Variants in CEP112 observed in about 807,000 individuals in gnomAD.
The protein encoded by CEP112 is centrosomal protein of 112 kDa.
A neutral mutation model predicts 153.0 loss-of-function variants in CEP112; 127 were observed. The observed-to-expected ratio is 0.83, with a 90% confidence interval of 0.72 to 0.96. The LOEUF is 0.96. CEP112 is among the 40% of genes least tolerant of loss of function. The pLI is 0.00. For missense variants in CEP112, 1,089 were observed against 1,101.2 expected, an observed-to-expected ratio of 0.99 and a Z score of 0.16; for synonymous variants, 358 against 374.4, an observed-to-expected ratio of 0.96 and a Z score of 0.51.
chr17:65,947,639 T>G (rs2061690934), intron 18 of CEP112, among the ~76,000 whole-genome samples: 1 of 152,162 alleles, frequency 6.6e-6, no homozygotes, highest in Non-Finnish European at 1.5e-5. Context: ...AAGTTTTCTT[T>G]TAAGTGTTTT....
At chr17:66,017,829 G>A (rs11653598) in intron 16 of CEP112, among the ~76,000 whole-genome samples, 62,387 of 151,764 alleles carry the variant, frequency 0.41, 14,283 homozygotes, top group East Asian at 0.87. Context: ...TGAAAGCCCC[G>A]TCTCTACTAA....
At chr17:65,994,862 G>A (rs918666603) in intron 17 of CEP112, among the ~76,000 whole-genome samples, 1 of 152,036 alleles carries the variant, frequency 6.6e-6, no homozygotes, top group African/African-American at 2.4e-5. Flanking sequence ...CCTGCTGTGG[G>A]GCCACTTTCG....
chr17:65,775,337 C>T (rs1320628444), intron 21 of CEP112, among the ~76,000 whole-genome samples: 1 of 152,004 alleles, frequency 6.6e-6, no homozygotes, highest in Non-Finnish European at 1.5e-5. Context: ...AATGTCCTCA[C>T]CAGATCAGTG....
intron 16 of CEP112, among the ~76,000 whole-genome samples, chr17:66,009,665 T>C (rs1349133365): frequency 1.3e-5 from 2 of 152,206 alleles, no homozygotes; most frequent in Non-Finnish European, 2.9e-5. Flanking sequence ...GGGTCCAGTT[T>C]CAATCTTTTG....
At chr17:65,672,073 A>T (rs956612450) in intron 24 of CEP112, among the ~76,000 whole-genome samples, 1 of 152,220 alleles carries the variant, frequency 6.6e-6, no homozygotes, top group Non-Finnish European at 1.5e-5. Flanking sequence ...AGATCATTAG[A>T]AGTAATGTTG....
intron 24 of CEP112, among the ~76,000 whole-genome samples, chr17:65,665,685 G>A (rs992161605): frequency 9.2e-5 from 14 of 152,188 alleles, no homozygotes; most frequent in Admixed American, 5.9e-4. Context: ...CACATAATTT[G>A]AGCTATTGGA....
At chr17:66,108,312 T>C (rs944224282) in intron 6 of CEP112, among the ~76,000 whole-genome samples, 3 of 151,950 alleles carry the variant, frequency 2.0e-5, no homozygotes, top group Admixed American at 1.3e-4. Flanking sequence ...GATCTTGTCA[T>C]GTCAAAAAGC....
chr17:66,033,303 G>A (rs1404307874), intron 12 of CEP112, among the ~76,000 whole-genome samples: 1 of 151,876 alleles, frequency 6.6e-6, no homozygotes, highest in African/African-American at 2.4e-5. Context: ...TACTGTAAAA[G>A]TCACACAGAA....
intron 25 of CEP112, among the ~76,000 whole-genome samples, chr17:65,637,883 TC>T (rs1322894717): frequency 5.3e-5 from 8 of 152,192 alleles, no homozygotes; most frequent in African/African-American, 1.7e-4. Flanking sequence ...ATTACTGCTT[TC>T]TGGAAACCTC....
intron 21 of CEP112, among the ~76,000 whole-genome samples, chr17:65,823,870 C>T (rs1309902858): frequency 6.6e-6 from 1 of 152,076 alleles, no homozygotes; most frequent in African/African-American, 2.4e-5. Context: ...AAAAGGTGCT[C>T]AACATTATTA....
intron 17 of CEP112, among the ~76,000 whole-genome samples, chr17:65,971,654 T>G (rs12943782): frequency 6.6e-6 from 1 of 151,954 alleles, no homozygotes; most frequent in Non-Finnish European, 1.5e-5. Context: ...TGCATGCATG[T>G]CACATGCATG....
intron 12 of CEP112, among the ~76,000 whole-genome samples, chr17:66,038,476 A>G (rs1402369309): frequency 6.6e-6 from 1 of 152,272 alleles, no homozygotes; most frequent in East Asian, 1.9e-4. Context: ...AAAGTATCTT[A>G]AAAACAACAA....
chr17:66,081,417 T>C (rs2067712358), intron 8 of CEP112, among the ~76,000 whole-genome samples: 1 of 152,158 alleles, frequency 6.6e-6, no homozygotes, highest in African/African-American at 2.4e-5. Flanking sequence ...TTGGCAATTA[T>C]CTAATTCTTG....
intron 17 of CEP112, among the ~76,000 whole-genome samples, chr17:65,981,253 T>C (rs1265143014): frequency 6.6e-6 from 1 of 152,206 alleles, no homozygotes; most frequent in African/African-American, 2.4e-5. Context: ...GTTCAGGATA[T>C]AACTTGGGAA....
intron 21 of CEP112, among the ~76,000 whole-genome samples, chr17:65,812,062 G>A (rs1443569278): frequency 6.6e-6 from 1 of 151,758 alleles, no homozygotes; most frequent in East Asian, 1.9e-4. Context: ...GGAGTGCAGT[G>A]GCTTGATCTC....
chr17:66,020,344 A>G (rs1299558651), intron 16 of CEP112, among the ~76,000 whole-genome samples: 1 of 122,424 alleles, frequency 8.2e-6, no homozygotes, highest in Admixed American at 1.1e-4. Flanking sequence ...ATTATGATTT[A>G]AAAGAGCACT....
rs1239921390 is a variant in CEP112 at position 66,052,369 on chromosome 17, G to A, written c.1218+1367C>T. The stretch of plus-strand genomic sequence containing the variant: ...AGACTGATGCGATGCACTGAACACG[G>A]ACATGAGGAGCTCTGAGCCACATGC... On this transcript the variant is annotated intron_variant, in intron 12 of 26. Coordinates refer to ENST00000535342, the MANE Select transcript of CEP112 (RefSeq NM_001199165.4). 1.3e-5 allele frequency among the ~76,000 whole-genome samples: 2 copies of A among 152,172 alleles called. 1 individual carries two copies. The highest frequency in any genetic ancestry group is 3.9e-4 in the East Asian group (2 of 5,182).
chr17:65,768,938 A>T (rs914296847), intron 21 of CEP112, among the ~76,000 whole-genome samples: 3 of 152,128 alleles, frequency 2.0e-5, no homozygotes, highest in African/African-American at 7.2e-5. Flanking sequence ...ATCAAGAACC[A>T]TTAGACAGTA....
At chr17:66,112,318 A>C (rs563233543) in intron 6 of CEP112, among the ~76,000 whole-genome samples, 1 of 151,988 alleles carries the variant, frequency 6.6e-6, no homozygotes, top group Non-Finnish European at 1.5e-5. Flanking sequence ...TAAAAAAACA[A>C]TGAAAAAAAG....
Sources: allele counts gnomAD v4.1 joint callset (sites outside exome capture counted in the v4.1 genomes callset), GRCh38; gene constraint gnomAD v4.1.1; transcripts MANE v1.5; gene names NCBI Gene and HGNC (gene_info 2026-07-23, HGNC 2026-07-21).